SLC44A1: variants seen among roughly 807,000 people sequenced by gnomAD.
SLC44A1 encodes the protein solute carrier family 44 member 1, also known as choline transporter-like protein 1.
Under a neutral mutation model 79.3 loss-of-function variants are expected in SLC44A1, and 26 were observed. The observed-to-expected ratio is 0.33, with a 90% confidence interval of 0.24 to 0.46. The LOEUF (loss-of-function observed/expected upper bound fraction) is 0.46, where lower values mean the gene tolerates loss of function less well. Ranked by LOEUF, SLC44A1 falls within the 20% of genes least tolerant of loss-of-function variation. The pLI is 1.00. For missense variants in SLC44A1, 688 were observed against 798.1 expected (o/e 0.86, Z 1.66); for synonymous variants, 263 against 286.2 (o/e 0.92, Z 0.82).
chr9:105,269,430 C>A (rs1345661853), intron 1 of SLC44A1, among the ~76,000 whole-genome samples: 1 of 152,112 alleles, frequency 6.6e-6, no homozygotes, highest in Non-Finnish European at 1.5e-5. Flanking sequence ...TGAAATATTA[C>A]TAGAGTTAGG....
intron 1 of SLC44A1, among the ~76,000 whole-genome samples, chr9:105,258,872 G>GTT (rs772717856): frequency 1.4e-5 from 2 of 140,070 alleles, no homozygotes; most frequent in African/African-American, 2.6e-5. Flanking sequence ...TTTTGTTTTT[G>GTT]TTTTTTTTTT....
Position 105,364,631 on chromosome 9 carries a change from T to C in SLC44A1, c.1164T>C (p.His388=). The C allele has an allele frequency of 1.2e-6, 2 of 1,614,066 alleles. No homozygotes were observed. The highest frequency in any genetic ancestry group is 1.1e-5 in the South Asian group (1 of 91,082). Residue 388 remains histidine (H), a synonymous_variant, in exon 10 of 16, where the codon CAT becomes CAC. Coordinates refer to ENST00000374720, the MANE Select transcript of SLC44A1 (RefSeq NM_080546.5). ...SGPLQYMWWY[H]VVGLIWISEF... is the part of the protein sequence containing the mutation. Reference sequence around the variant, plus strand: ...CTCTGCAGTACATGTGGTGGTACCATGTGGTGGGCCTGATTTGGATCAGTG... The same window carrying C: ...CTCTGCAGTACATGTGGTGGTACCACGTGGTGGGCCTGATTTGGATCAGTG...
chr9:105,429,408 T>C (rs554036956), intron 15 of SLC44A1, among the ~76,000 whole-genome samples: 1 of 152,210 alleles, frequency 6.6e-6, no homozygotes, highest in East Asian at 1.9e-4. Flanking sequence ...GCTCAAGCCA[T>C]CCTCCCACCT....
intron 1 of SLC44A1, among the ~76,000 whole-genome samples, chr9:105,279,502 G>C (rs1378736164): frequency 6.6e-6 from 1 of 151,954 alleles, no homozygotes; most frequent in Non-Finnish European, 1.5e-5. Flanking sequence ...ATTTTTAGTA[G>C]AGACGGGGTT....
chr9:105,249,736 T>C (rs1039055284), intron 1 of SLC44A1, among the ~76,000 whole-genome samples: 1 of 151,450 alleles, frequency 6.6e-6, no homozygotes, highest in African/African-American at 2.4e-5. Context: ...GTTTTCACCA[T>C]GTTGGCCAGG....
chr9:105,258,007 A>G (rs1241944903), intron 1 of SLC44A1, among the ~76,000 whole-genome samples: 1 of 152,238 alleles, frequency 6.6e-6, no homozygotes, highest in Non-Finnish European at 1.5e-5. Context: ...GAGGCCGCCC[A>G]GGGAGCTGTT....
intron 3 of SLC44A1, among the ~76,000 whole-genome samples, chr9:105,317,529 A>T (rs1356025335): frequency 6.6e-6 from 1 of 152,056 alleles, no homozygotes. Context: ...CGAAGAGGTG[A>T]CTAGATGGTT....
At chr9:105,363,796 A>G (rs1190907873) in intron 9 of SLC44A1, among the ~76,000 whole-genome samples, 1 of 152,192 alleles carries the variant, frequency 6.6e-6, no homozygotes, top group African/African-American at 2.4e-5. Context: ...CATCCTAGCA[A>G]TGTAAGTCTA....
intron 15 of SLC44A1, among the ~76,000 whole-genome samples, chr9:105,412,885 G>A (rs980665853): frequency 1.3e-5 from 2 of 152,080 alleles, no homozygotes; most frequent in Non-Finnish European, 2.9e-5. Flanking sequence ...TTACAGGCAT[G>A]AGTCACCACG....
rs1167196031 is a variant in SLC44A1, at chr9:105,394,985, A to G, written c.*5929A>G. 7.1e-6 allele frequency: 7 copies of G among 985,328 alleles called. No individual in the cohort carries two copies. Among genetic ancestry groups the G allele is most frequent in the Non-Finnish European group, 7.2e-6 (6 of 829,956 alleles). 61.0% of individuals were successfully genotyped at this position (985,328 alleles called of 1,614,324 possible). A position where few individuals can be genotyped will look rare whatever the true frequency, so the allele number is the denominator to read the frequency against. On this transcript the variant is annotated 3_prime_UTR_variant, in exon 16 of 16. Coordinates refer to ENST00000374720, the MANE Select transcript of SLC44A1 (RefSeq NM_080546.5). The stretch of plus-strand genomic sequence containing the variant: ...CCTTACTATTAGGTAAGGGTGCTGC[A>G]TCTACATGGAAGGCTCCCTGGGCCC...
intron 5 of SLC44A1, chr9:105,355,915 G>T (rs998733455): frequency 9.9e-6 from 3 of 303,234 alleles, no homozygotes; most frequent in Non-Finnish European, 1.8e-5. Context: ...TTTGCTTTTG[G>T]TAGTTGTGTG....
intron 1 of SLC44A1, among the ~76,000 whole-genome samples, chr9:105,257,704 G>T (rs751271313): frequency 2.6e-5 from 4 of 152,244 alleles, no homozygotes; most frequent in Non-Finnish European, 4.4e-5. Context: ...TGGTCTGGAA[G>T]AATGGGGTTT....
intron 15 of SLC44A1, among the ~76,000 whole-genome samples, chr9:105,418,976 C>T (rs746540254): frequency 4.6e-5 from 7 of 152,152 alleles, no homozygotes; most frequent in Non-Finnish European, 8.8e-5. Flanking sequence ...TGTTTGCACT[C>T]ATCTACTCTT....
chr9:105,354,818 T>G (rs1225874504), intron 5 of SLC44A1, among the ~76,000 whole-genome samples: 1 of 152,240 alleles, frequency 6.6e-6, no homozygotes, highest in Non-Finnish European at 1.5e-5. Flanking sequence ...TGTGCTTATA[T>G]TCTTATTTGA....
At chr9:105,432,198 A>G (rs996592094) in intron 15 of SLC44A1, among the ~76,000 whole-genome samples, 3 of 152,224 alleles carry the variant, frequency 2.0e-5, no homozygotes, top group Non-Finnish European at 1.5e-5. Context: ...TTGGGATTAC[A>G]GGGGTGAGCC....
At chr9:105,325,566 T>G (rs889531179) in intron 3 of SLC44A1, among the ~76,000 whole-genome samples, 1 of 152,166 alleles carries the variant, frequency 6.6e-6, no homozygotes, top group Admixed American at 6.5e-5. Context: ...GGGTCGAGTG[T>G]GCTGATATGC....
intron 3 of SLC44A1, among the ~76,000 whole-genome samples, chr9:105,323,988 A>G (rs961832190): frequency 4.6e-5 from 7 of 151,638 alleles, no homozygotes; most frequent in African/African-American, 1.7e-4. Flanking sequence ...CTTTCTCCCA[A>G]GTGCTTTTTG....
At chr9:105,437,172 T>C (rs1829473667) in intron 15 of SLC44A1, among the ~76,000 whole-genome samples, 1 of 152,180 alleles carries the variant, frequency 6.6e-6, no homozygotes, top group Non-Finnish European at 1.5e-5. Flanking sequence ...AGAATAAGAA[T>C]GGTACATAGA....
At chr9:105,266,509 G>T (rs536348992) in intron 1 of SLC44A1, among the ~76,000 whole-genome samples, 13 of 152,182 alleles carry the variant, frequency 8.5e-5, no homozygotes, top group African/African-American at 2.9e-4. Flanking sequence ...GGTTGAGTTG[G>T]TTTTTTGTGT....
Sources: allele counts gnomAD v4.1 joint callset (sites outside exome capture counted in the v4.1 genomes callset), GRCh38; gene constraint gnomAD v4.1.1; transcripts MANE v1.5; gene names NCBI Gene and HGNC (gene_info 2026-07-23, HGNC 2026-07-21).